Variants in FREM1 observed in about 807,000 individuals in gnomAD.
FREM1 encodes the protein FRAS1-related extracellular matrix protein 1.
Under a neutral mutation model 210.1 loss-of-function variants are expected in FREM1, and 220 were observed. The ratio of observed to expected loss-of-function variants is 1.05; its 90% confidence interval spans 0.94 to 1.17. FREM1 has a LOEUF of 1.17. FREM1 is among the 50% of genes most tolerant of loss of function. The pLI is 0.00. For synonymous variants in FREM1, 1,189 were observed against 980.2 expected (o/e 1.21, Z -3.98); for missense variants, 3,454 against 2,675.5 (o/e 1.29, Z -6.42).
At chr9:14,872,926 T>A (rs1351068398) in intron 1 of FREM1, among the ~76,000 whole-genome samples, 1 of 150,534 alleles carries the variant, frequency 6.6e-6, no homozygotes. Context: ...ATTGAGATAA[T>A]CATGTGGTTT....
intron 24 of FREM1, among the ~76,000 whole-genome samples, chr9:14,779,085 C>A (rs570323050): frequency 6.6e-6 from 1 of 151,980 alleles, no homozygotes; most frequent in African/African-American, 2.4e-5. Flanking sequence ...TTTCATATTC[C>A]CCCCAGATCC....
rs1032035821 is a variant in FREM1 at position 14,909,995 on chromosome 9, T to A, written c.-349A>T. On this transcript the variant is annotated 5_prime_UTR_variant, in exon 1 of 37. Transcript: ENST00000380880. Reference sequence around the variant, plus strand: ...AGGATAAGAGTCACTGACACAGCAATCTGGTTTAAAGGGCTTTGAGAGGAA... The same window carrying A: ...AGGATAAGAGTCACTGACACAGCAAACTGGTTTAAAGGGCTTTGAGAGGAA... 3.9e-5 allele frequency: 6 copies of A among 152,062 alleles called. No homozygotes were observed. The highest frequency in any genetic ancestry group is 1.4e-4 in the African/African-American group (6 of 41,392). The allele number at this position is 152,062 out of a possible 1,614,324, so 9.4% of individuals were successfully genotyped here.
At chr9:14,846,130 C>A in intron 7 of FREM1, 39 bp from the exon 8 acceptor site, 6 of 1,505,476 alleles carry the variant, frequency 4.0e-6, no homozygotes, top group Non-Finnish European at 5.4e-6. Context: ...GTATCATAGA[C>A]TGGATAAAGA....
At chr9:14,772,485 T>C (rs1221744085) in intron 25 of FREM1, among the ~76,000 whole-genome samples, 3 of 152,150 alleles carry the variant, frequency 2.0e-5, no homozygotes, top group Non-Finnish European at 4.4e-5. Flanking sequence ...GTATATATAA[T>C]ATCATCCCAT....
At chr9:14,783,739 T>C (rs59913446) in intron 24 of FREM1, among the ~76,000 whole-genome samples, 11,357 of 152,280 alleles carry the variant, frequency 0.075, 684 homozygotes, top group African/African-American at 0.15. Flanking sequence ...TTTCACCAGA[T>C]TGTTATTCAT....
chr9:14,794,792 G>T lies in FREM1; in HGVS notation c.3840-1908C>A, dbSNP rs560692854. Among the ~76,000 whole-genome samples, 79 of 152,182 alleles carry T rather than the reference G, an allele frequency of 5.2e-4. 1 individual carries two copies. In the South Asian group the frequency reaches 0.014, roughly 27 times the overall value. On this transcript the variant is annotated intron_variant, in intron 21 of 36. Transcript: ENST00000380880. ...AGGCAGGCAGATCACGAGGTCAGGA[G>T]ATCGAGACCATACTGGCCAACATGG...
intron 14 of FREM1, 22 bp from the exon 15 acceptor site, chr9:14,816,893 C>A (rs1275723189): frequency 1.0e-5 from 10 of 1,004,732 alleles, no homozygotes; most frequent in African/African-American, 1.6e-5. Flanking sequence ...ATATTTGTCA[C>A]CAACCTCTTA....
At chr9:14,903,946 C>A (rs111697132) in intron 1 of FREM1, among the ~76,000 whole-genome samples, 3 of 151,762 alleles carry the variant, frequency 2.0e-5, no homozygotes, top group African/African-American at 7.3e-5. Flanking sequence ...ACAGTGAAAC[C>A]GCGTCTCTAC....
At position 14,801,727 on chromosome 9, in the gene FREM1, CAG is replaced by C; in HGVS notation, c.3617_3618del (p.Ser1206Ter). On this transcript the variant is annotated frameshift_variant, in exon 20 of 37. Transcript: ENST00000380880. LOFTEE classifies it high-confidence loss of function. Reference sequence around the variant, plus strand: ...TGAGGGTTGGCTGGCTGCTTATTCTCAGAGAAGTCTTTGCTAAACCCCCTATC... The same window carrying C: ...TGAGGGTTGGCTGGCTGCTTATTCTCAGAAGTCTTTGCTAAACCCCCTATC... ...LIDRGFSKDF[S>X]ENKQPANPHQ... 1 of 1,613,952 alleles carries C rather than the reference CAG, an allele frequency of 6.2e-7. No homozygotes were observed. Among genetic ancestry groups the C allele is most frequent in the Non-Finnish European group, 8.5e-7 (1 of 1,179,876 alleles).
intron 2 of FREM1, among the ~76,000 whole-genome samples, chr9:14,864,801 C>G (rs999377332): frequency 5.9e-5 from 9 of 152,182 alleles, no homozygotes; most frequent in Non-Finnish European, 1.3e-4. Flanking sequence ...TTTCAGACAA[C>G]ATAATTCACT....
chr9:14,812,873 G>A lies in FREM1; in HGVS notation c.2832C>T (p.Val944=), dbSNP rs755788807. ...PQHGVVRRAG[V]TVDQFSQRDV... ...CTCTCTGAGAGAACTGATCCACTGTGACTCCAGCTCTCCTCACCACCCCAT... is the reference window on the plus strand; with the variant it reads ...CTCTCTGAGAGAACTGATCCACTGTAACTCCAGCTCTCCTCACCACCCCAT... The change falls in exon 16 of 37, where the codon GTC becomes GTT. Residue 944 remains valine (V), a synonymous_variant. Coordinates refer to ENST00000380880, the MANE Select transcript of FREM1 (RefSeq NM_001379081.2). 3.1e-6 allele frequency: 5 copies of A among 1,613,674 alleles called. No individual in the cohort carries two copies. In the East Asian group the frequency reaches 1.1e-4, roughly 36 times the overall value.
chr9:14,880,148 C>T (rs1220250781), intron 1 of FREM1, among the ~76,000 whole-genome samples: 1 of 152,146 alleles, frequency 6.6e-6, no homozygotes, highest in East Asian at 1.9e-4. Context: ...CCTCTGCAAA[C>T]CAGGAAGAGG....
intron 3 of FREM1, 34 bp downstream of exon 3, chr9:14,863,775 G>C: frequency 7.7e-7 from 1 of 1,296,662 alleles, no homozygotes. Context: ...ATGGTTACTT[G>C]GCAGCAAATG....
intron 24 of FREM1, chr9:14,784,164 G>C: frequency 4.2e-6 from 2 of 478,370 alleles, no homozygotes; most frequent in East Asian, 6.2e-5. Flanking sequence ...AGCTGCACCA[G>C]AGCTGAAAAA....
chr9:14,758,703 C>A (rs1039633272), intron 28 of FREM1, among the ~76,000 whole-genome samples: 1 of 152,078 alleles, frequency 6.6e-6, no homozygotes, highest in South Asian at 2.1e-4. Context: ...GGAGTCTTTA[C>A]AGCTCATTCT....
chr9:14,769,645 A>G, intron 27 of FREM1, 79 bp downstream of exon 27: 1 of 1,416,710 alleles, frequency 7.1e-7, no homozygotes, highest in Non-Finnish European at 9.6e-7. Flanking sequence ...CTGTTTTAAA[A>G]AGAACATTTC....
chr9:14,824,708 G>T, intron 11 of FREM1, 88 bp downstream of exon 11: 2 of 895,670 alleles, frequency 2.2e-6, no homozygotes, highest in Non-Finnish European at 3.5e-6. Context: ...GTAAACCACA[G>T]TACTATATAT....
chr9:14,804,334 C>T (rs1817938722), intron 19 of FREM1, among the ~76,000 whole-genome samples: 2 of 152,188 alleles, frequency 1.3e-5, no homozygotes, highest in African/African-American at 4.8e-5. Flanking sequence ...GCCTGTAATC[C>T]CAGCACTTTG....
chr9:14,832,099 C>T (rs541598036), intron 10 of FREM1, among the ~76,000 whole-genome samples: 1 of 152,360 alleles, frequency 6.6e-6, no homozygotes, highest in African/African-American at 2.4e-5. Flanking sequence ...CTCCTTCGAC[C>T]TTGAAACTTT....
Sources: allele counts gnomAD v4.1 joint callset (sites outside exome capture counted in the v4.1 genomes callset), GRCh38; gene constraint gnomAD v4.1.1; transcripts MANE v1.5; gene names NCBI Gene and HGNC (gene_info 2026-07-23, HGNC 2026-07-21).